Variants in PRAF2 observed in about 807,000 individuals in gnomAD.
The protein encoded by PRAF2 is PRA1 family protein 2.
A neutral mutation model predicts 9.7 loss-of-function variants in PRAF2; 5 were observed. The ratio of observed to expected loss-of-function variants is 0.51; its 90% CI spans 0.27 to 1.08. The LOEUF (loss-of-function observed/expected upper bound fraction) is 1.08. Ranked by LOEUF, PRAF2 falls within the 50% of genes least tolerant of loss-of-function variation. The probability of loss-of-function intolerance (pLI) is 0.12; values close to 1 mark genes in which losing one functional copy is unlikely to be tolerated. For missense variants in PRAF2, 135 were observed against 160.7 expected (o/e 0.84, Z 0.86); for synonymous variants, 61 against 76.6 (o/e 0.80, Z 1.06).
intron 2 of PRAF2, 50 bp downstream of exon 2, chrX:49,072,383 A>G (rs2065014199): frequency 1.7e-6 from 2 of 1,154,101 alleles, no homozygotes; most frequent in Non-Finnish European, 2.3e-6. Flanking sequence ...CTGGTGCCTT[A>G]AGCATGCTCT....
intron 2 of PRAF2, 110 bp downstream of exon 2, chrX:49,072,323 G>A (rs782535114): frequency 2.1e-6 from 2 of 946,826 alleles, no homozygotes; most frequent in Middle Eastern, 5.5e-4. Flanking sequence ...GCGTGGCGAG[G>A]CCCTCGGGTT....
In PRAF2 at chrX:49,071,934, G is replaced by A. The variant is rs1557083173; in HGVS notation, c.472C>T (p.Leu158Phe). ...KIENKIESIGLKRTPMGLLLE... is the reference protein window; with the variant it reads ...KIENKIESIGFKRTPMGLLLE... ...AGCAGGCCCATTGGCGTCCGCTTGA[G>A]ACCAATGCTCTCGATCTTGTTCTCA... The change falls in exon 3 of 3, where the codon CTC becomes TTC. Residue 158 changes from leucine (L) to phenylalanine (F), a missense_variant. Coordinates refer to ENST00000553851, the MANE Select transcript of PRAF2 (RefSeq NM_007213.3). The A allele has an allele frequency of 4.1e-6, 5 of 1,211,209 alleles. No individual in the cohort carries two copies. In the South Asian group the frequency reaches 8.8e-5, roughly 21 times the overall value.
chrX:49,073,458 A>C (rs2065018600), intron 1 of PRAF2, among the ~76,000 whole-genome samples: 1 of 103,526 alleles, frequency 9.7e-6, no homozygotes, highest in African/African-American at 3.6e-5. Context: ...CCCCTCAAGT[A>C]CTCTCATGTC....
rs1157666682 is a variant in PRAF2 at position 49,073,919 on chromosome X, C to T, written c.69G>A (p.Ala23=). Residue 23 remains alanine, a synonymous_variant, in exon 1 of 3, where the codon GCG becomes GCA. Transcript: ENST00000553851. ...GCTGCGGGTCGCATGGATCCGGAGC[C>T]GCCAGACGCGCCGACCCCAGAACAA... is the stretch of plus-strand genomic sequence containing the variant. ...DDFVLGSARL[A]APDPCDPQRW... 15 of 1,210,214 alleles carry T rather than the reference C, an allele frequency of 1.2e-5. No homozygotes were observed. Among genetic ancestry groups the T allele is most frequent in the Admixed American group, 1.1e-4 (5 of 45,898 alleles).
intron 2 of PRAF2, 166 bp downstream of exon 2, chrX:49,072,267 G>T (rs1557083223): frequency 3.1e-6 from 2 of 643,301 alleles, no homozygotes; most frequent in African/African-American, 2.2e-5. Flanking sequence ...TAAAAGGGGT[G>T]TTCCCAGAAG....
intron 1 of PRAF2, 134 bp downstream of exon 1, chrX:49,073,675 C>G (rs182953697): frequency 1.2e-6 from 1 of 816,077 alleles, no homozygotes; most frequent in African/African-American, 2.1e-5. Context: ...CCCCTCAGGC[C>G]GTCCATCTCT....
At chrX:49,072,822 C>G (rs1557083381) in intron 1 of PRAF2, among the ~76,000 whole-genome samples, 172 bp from the exon 2 acceptor site, 2 of 111,243 alleles carry the variant, frequency 1.8e-5, no homozygotes, top group African/African-American at 6.5e-5. Flanking sequence ...TCCCGACTCA[C>G]CCTTGTAGAC....
chrX:49,072,512 C>G lies in PRAF2; in HGVS notation c.318G>C (p.Val106=). The change falls in exon 2 of 3, where the codon GTG becomes GTC. Residue 106 remains valine, a synonymous_variant. Transcript: ENST00000553851. ...AGAGCACCAGGAGGCCGACGGCAAG[C>G]ACTGCGGCCAGGCAGGCTGCAGGGT... The part of the protein sequence containing the change: ...RSHPAACLAA[V]LAVGLLVLWV... 1 of 1,186,331 alleles carries G rather than the reference C, an allele frequency of 8.4e-7. No individual in the cohort carries two copies. Among genetic ancestry groups the G allele is most frequent in the Non-Finnish European group, 1.1e-6 (1 of 882,889 alleles).
intron 1 of PRAF2, 47 bp from the exon 2 acceptor site, chrX:49,072,697 C>T (rs782681865): frequency 8.9e-7 from 1 of 1,117,899 alleles, no homozygotes; most frequent in Non-Finnish European, 1.2e-6. Flanking sequence ...GGAGAGACGG[C>T]CTCCGGACCA....
intron 2 of PRAF2, 126 bp downstream of exon 2, chrX:49,072,307 G>T: frequency 1.2e-6 from 1 of 840,542 alleles, no homozygotes; most frequent in Non-Finnish European, 1.7e-6. Context: ...GGCGCTTTTA[G>T]CGGGGGCGTG....
In PRAF2 at chrX:49,071,831, G is replaced by GT. The variant is rs1292002302; in HGVS notation, c.*37dup. ...GTCCCAATTATGGGCTGGGGGTGGG[G>GT]TGGTATTCTCCAGGTCCTGGGTACA... is the stretch of plus-strand genomic sequence containing the variant. On this transcript the variant is annotated 3_prime_UTR_variant, in exon 3 of 3. Coordinates refer to ENST00000553851, the MANE Select transcript of PRAF2 (RefSeq NM_007213.3). 1 of 1,174,342 alleles carries GT rather than the reference G, an allele frequency of 8.5e-7. No individual in the cohort carries two copies. The highest frequency in any genetic ancestry group is 3.1e-5 in the East Asian group (1 of 32,521).
Position 49,073,849 on chromosome X carries a change from TG to T in PRAF2, c.138del (p.Asn47ThrfsTer23). On this transcript the variant is annotated frameshift_variant, in exon 1 of 3. Transcript: ENST00000553851. LOFTEE classifies it high-confidence loss of function. ...RVINNLLYYQTNYLLCFGIGL... is the reference protein window; with the variant it reads ...RVINNLLYYQXNYLLCFGIGL... ...CCGATGCCGAAGCAGAGAAGGTAGTTGGTTTGGTAGTAGAGGAGGTTGTTGA... is the reference window on the plus strand; with the variant it reads ...CCGATGCCGAAGCAGAGAAGGTAGTTGTTTGGTAGTAGAGGAGGTTGTTGA... The T allele has an allele frequency of 8.3e-7, 1 of 1,211,875 alleles. No individual in the cohort carries two copies. The highest frequency in any genetic ancestry group is 1.8e-5 in the South Asian group (1 of 57,042).
intron 1 of PRAF2, 33 bp downstream of exon 1, chrX:49,073,776 C>T: frequency 8.3e-7 from 1 of 1,205,451 alleles, no homozygotes; most frequent in South Asian, 1.8e-5. Flanking sequence ...GCTCTGCAGA[C>T]GTCCCTGGCC....
In PRAF2 at chrX:49,073,285, C is replaced by G. The variant is rs782568911; in HGVS notation, c.179+524G>C. ...CAAGTTCCCCAACAGGTACCTGCCC[C>G]TGGCGCCTTCCAATCATAGCCAGGC... is the stretch of plus-strand genomic sequence containing the variant. On this transcript the variant is annotated intron_variant, in intron 1 of 2. Transcript: ENST00000553851. Among the ~76,000 whole-genome samples the G allele has an allele frequency of 5.4e-5, 6 of 110,860 alleles. No homozygotes were observed. The East Asian group carries it at 1.7e-3, about 32-fold the overall frequency.
chrX:49,072,779 A>G (rs2065016253), intron 1 of PRAF2, 129 bp from the exon 2 acceptor site: 7 of 629,876 alleles, frequency 1.1e-5, no homozygotes, highest in Non-Finnish European at 1.7e-5. Flanking sequence ...TCCTCCCACC[A>G]GCCCTATCTC....
At chrX:49,072,375 G>A in intron 2 of PRAF2, 58 bp downstream of exon 2, 1 of 1,143,262 alleles carries the variant, frequency 8.7e-7, no homozygotes, top group Non-Finnish European at 1.2e-6. Flanking sequence ...GGGCTGGCCT[G>A]GTGCCTTAAG....
At chrX:49,072,796 G>T in intron 1 of PRAF2, 146 bp from the exon 2 acceptor site, 2 of 559,173 alleles carry the variant, frequency 3.6e-6, no homozygotes, top group South Asian at 3.0e-5. Flanking sequence ...TCTCCAGCAG[G>T]CCCATCTGCC....
intron 2 of PRAF2, 139 bp downstream of exon 2, chrX:49,072,294 G>A (rs1602534886): frequency 5.2e-6 from 4 of 762,602 alleles, no homozygotes; most frequent in Non-Finnish European, 7.6e-6. Flanking sequence ...CGAAGCCCGG[G>A]AAGGCGCTTT....
intron 1 of PRAF2, among the ~76,000 whole-genome samples, chrX:49,073,260 C>G (rs1311893497): frequency 9.0e-6 from 1 of 110,917 alleles, no homozygotes; most frequent in Non-Finnish European, 1.9e-5. Context: ...CTCCTGGGCC[C>G]AAGTTCCCCA....
Sources: gnomAD v4.1 joint callset for allele counts (sites outside exome capture counted in the v4.1 genomes callset) on GRCh38, gnomAD v4.1.1 for gene constraint, MANE v1.5 for transcripts, NCBI Gene and HGNC (gene_info 2026-07-23, HGNC 2026-07-21) for gene names.